Variants in LRP11 observed in about 807,000 individuals in gnomAD.
LRP11 encodes low-density lipoprotein receptor-related protein 11.
A neutral mutation model predicts 43.1 loss-of-function variants in LRP11; 25 were observed. The ratio of observed to expected loss-of-function variants is 0.58; its 90% CI spans 0.42 to 0.81. The LOEUF (loss-of-function observed/expected upper bound fraction) is 0.81, where lower values mean the gene tolerates loss of function less well. Among genes scored for constraint, LRP11 ranks in the 30% least tolerant of loss-of-function variants. The pLI, the probability that LRP11 is intolerant of heterozygous loss-of-function variation, is 0.00. For missense variants in LRP11, 623 were observed against 665.1 expected, an observed-to-expected ratio of 0.94 and a Z score of 0.70; for synonymous variants, 316 against 299.4, an observed-to-expected ratio of 1.06 and a Z score of -0.57.
intron 1 of LRP11, among the ~76,000 whole-genome samples, chr6:149,853,586 C>A (rs1285134303): frequency 1.3e-5 from 2 of 152,226 alleles, no homozygotes; most frequent in South Asian, 2.1e-4. Flanking sequence ...CGGCTCACTG[C>A]AGCCTCTCCC....
At chr6:149,821,404 C>G (rs767466641) in intron 6 of LRP11, among the ~76,000 whole-genome samples, 7 of 152,170 alleles carry the variant, frequency 4.6e-5, no homozygotes, top group Non-Finnish European at 1.0e-4. Context: ...CATGATCATT[C>G]TTCAACTAAG....
At chr6:149,851,408 T>A (rs963775687) in intron 2 of LRP11, among the ~76,000 whole-genome samples, 8 of 152,204 alleles carry the variant, frequency 5.3e-5, no homozygotes, top group Non-Finnish European at 7.3e-5. Context: ...GGCAGGATAG[T>A]GGCGGGCCTG....
At chr6:149,836,816 T>TA (rs1269208174) in intron 4 of LRP11, among the ~76,000 whole-genome samples, 5 of 132,288 alleles carry the variant, frequency 3.8e-5, no homozygotes, top group Non-Finnish European at 7.9e-5. Context: ...ACTGGTCTCA[T>TA]AAAAAAAAGA....
chr6:149,863,512 C>A lies in LRP11; in HGVS notation c.509G>T (p.Arg170Leu). Residue 170 changes from arginine to leucine, a missense_variant, in exon 1 of 7, where the codon CGC (arginine) becomes CTC (leucine). Arg to Leu is a moderately radical substitution (Grantham distance 102). Transcript: ENST00000239367. The stretch of plus-strand genomic sequence containing the variant: ...GTGCAGCGCGAACTTGCAGACGTTG[C>A]GGCCGCGCGCCGTGCAGTTGAAGAG... Reference protein sequence around the residue: ...CYLFNCTARGRNVCKFALHSG... With the variant: ...CYLFNCTARGLNVCKFALHSG... The A allele has an allele frequency of 7.4e-7, 1 of 1,346,154 alleles. No homozygotes were observed. Among genetic ancestry groups the A allele is most frequent in the South Asian group, 1.9e-5 (1 of 52,614 alleles). The allele number at this position is 1,346,154 out of a possible 1,614,324, so 83.4% of individuals were successfully genotyped here.
At chr6:149,863,303 G>A (rs1269030768) in intron 1 of LRP11, 105 bp downstream of exon 1, 4 of 1,276,984 alleles carry the variant, frequency 3.1e-6, no homozygotes, top group Non-Finnish European at 4.0e-6. Flanking sequence ...CTGGGTGCCC[G>A]CGGCTAAAAT....
chr6:149,845,897 C>G (rs919092398), intron 2 of LRP11, among the ~76,000 whole-genome samples: 1 of 152,184 alleles, frequency 6.6e-6, no homozygotes, highest in African/African-American at 2.4e-5. Flanking sequence ...TATCTCACCT[C>G]CAATCCATCA....
intron 1 of LRP11, among the ~76,000 whole-genome samples, chr6:149,862,847 T>C (rs1394949962): frequency 6.6e-6 from 1 of 152,156 alleles, no homozygotes; most frequent in Non-Finnish European, 1.5e-5. Context: ...CCCAAAGTGC[T>C]GGGATTACAG....
chr6:149,860,118 C>T (rs145337316), intron 1 of LRP11, among the ~76,000 whole-genome samples: 1 of 152,220 alleles, frequency 6.6e-6, no homozygotes, highest in African/African-American at 2.4e-5. Flanking sequence ...AGGGATTAAC[C>T]TTGAATGGGA....
At chr6:149,842,481 C>T in intron 3 of LRP11, 1 of 666,140 alleles carries the variant, frequency 1.5e-6, no homozygotes, top group Non-Finnish European at 2.7e-6. Flanking sequence ...CCATGCTGTG[C>T]AACAGATCAC....
intron 1 of LRP11, among the ~76,000 whole-genome samples, chr6:149,861,614 A>G (rs1476626780): frequency 1.3e-5 from 2 of 152,180 alleles, no homozygotes; most frequent in Non-Finnish European, 2.9e-5. Context: ...CCACAGTTCA[A>G]GCGATTCTCC....
At chr6:149,835,826 C>T (rs567185847) in intron 5 of LRP11, among the ~76,000 whole-genome samples, 113 of 152,166 alleles carry the variant, frequency 7.4e-4, no homozygotes, top group South Asian at 2.1e-3. Flanking sequence ...TATTGGTTTA[C>T]GTAAGCTAAG....
chr6:149,857,347 G>C (rs1776814634), intron 1 of LRP11, among the ~76,000 whole-genome samples: 1 of 151,984 alleles, frequency 6.6e-6, no homozygotes, highest in African/African-American at 2.4e-5. Flanking sequence ...GCCTGGAACT[G>C]GTGAAACCCC....
intron 3 of LRP11, among the ~76,000 whole-genome samples, chr6:149,838,328 G>A (rs978937862): frequency 1.3e-5 from 2 of 151,956 alleles, no homozygotes; most frequent in African/African-American, 4.8e-5. Flanking sequence ...TTATCATAAC[G>A]TCCCTGGTAC....
chr6:149,854,044 C>T (rs761954037), intron 1 of LRP11, among the ~76,000 whole-genome samples: 3 of 152,170 alleles, frequency 2.0e-5, no homozygotes, highest in South Asian at 2.1e-4. Flanking sequence ...AGACGTTCAC[C>T]GTTTCTAATA....
intron 2 of LRP11, among the ~76,000 whole-genome samples, chr6:149,850,848 T>A (rs1776708083): frequency 6.6e-6 from 1 of 152,234 alleles, no homozygotes; most frequent in African/African-American, 2.4e-5. Flanking sequence ...AGTAATCTTT[T>A]GCCCACCTCA....
intron 5 of LRP11, among the ~76,000 whole-genome samples, chr6:149,828,373 T>G (rs923548788): frequency 5.9e-5 from 9 of 152,164 alleles, no homozygotes; most frequent in South Asian, 2.1e-4. Context: ...TTGTGGCAAG[T>G]AATTTTTACA....
chr6:149,839,336 A>G (rs1776515444), intron 3 of LRP11, among the ~76,000 whole-genome samples: 1 of 152,182 alleles, frequency 6.6e-6, no homozygotes, highest in Admixed American at 6.5e-5. Flanking sequence ...CTCCTGCGGA[A>G]GAAGAGGAAG....
chr6:149,855,617 T>A (rs1369076903), intron 1 of LRP11, among the ~76,000 whole-genome samples: 2 of 151,886 alleles, frequency 1.3e-5, no homozygotes, highest in Admixed American at 1.3e-4. Context: ...AACAAGGGGA[T>A]TTATGTGAGG....
intron 2 of LRP11, 45 bp downstream of exon 2, chr6:149,852,958 T>A (rs1322534607): frequency 6.6e-7 from 1 of 1,521,802 alleles, no homozygotes; most frequent in Admixed American, 2.0e-5. Flanking sequence ...AAAAGACCAC[T>A]TCACTGAAAT....
Sources: allele counts gnomAD v4.1 joint callset (sites outside exome capture counted in the v4.1 genomes callset), GRCh38; gene constraint gnomAD v4.1.1; transcripts MANE v1.5; gene names NCBI Gene and HGNC (gene_info 2026-07-23, HGNC 2026-07-21).